The following SLCO5A1 variants were observed in gnomAD, a reference collection of about 807,000 sequenced individuals.
SLCO5A1 encodes the protein solute carrier organic anion transporter family member 5A1.
A neutral mutation model predicts 65.1 loss-of-function variants in SLCO5A1; 39 were observed. The ratio of observed to expected loss-of-function variants is 0.60; its 90% confidence interval spans 0.46 to 0.78. The LOEUF (loss-of-function observed/expected upper bound fraction) is 0.78, where lower values mean the gene tolerates loss of function less well. Ranked by LOEUF, SLCO5A1 falls within the 30% of genes least tolerant of loss-of-function variation. The pLI, the probability that SLCO5A1 is intolerant of heterozygous loss-of-function variation, is 0.00. For missense variants in SLCO5A1, 1,029 were observed against 1,069.4 expected, an observed-to-expected ratio of 0.96 and a Z score of 0.53; for synonymous variants, 438 against 415.7, an observed-to-expected ratio of 1.05 and a Z score of -0.65.
intron 5 of SLCO5A1, among the ~76,000 whole-genome samples, chr8:69,722,465 A>G (rs1815871211): frequency 6.6e-6 from 1 of 152,210 alleles, no homozygotes; most frequent in Non-Finnish European, 1.5e-5. Flanking sequence ...CTTACACTTA[A>G]TATTATTTAA....
intron 2 of SLCO5A1, among the ~76,000 whole-genome samples, chr8:69,802,739 C>A (rs1373003620): frequency 1.3e-5 from 2 of 152,226 alleles, no homozygotes; most frequent in Non-Finnish European, 2.9e-5. Flanking sequence ...CACTCCTCTG[C>A]CTGGAGGCCT....
At chr8:69,711,126 C>T (rs996106277) in intron 5 of SLCO5A1, among the ~76,000 whole-genome samples, 1 of 152,090 alleles carries the variant, frequency 6.6e-6, no homozygotes, top group Non-Finnish European at 1.5e-5. Flanking sequence ...CCATCCAGGC[C>T]TCCCCGCCTG....
In SLCO5A1 at chr8:69,669,951, C is replaced by T. The variant is rs141053648; in HGVS notation, c.*2918G>A. ...AATGCTAATTTTTTTCCTCTCTGTT[C>T]CTCCTTTCTCTCCATCCCCAACACC... On this transcript the variant is annotated 3_prime_UTR_variant, in exon 10 of 10. Coordinates refer to ENST00000260126, the MANE Select transcript of SLCO5A1 (RefSeq NM_030958.3). 1 of 152,138 alleles carries T rather than the reference C, an allele frequency of 6.6e-6. No individual in the cohort carries two copies. Among genetic ancestry groups the T allele is most frequent in the Non-Finnish European group, 1.5e-5 (1 of 68,036 alleles). The allele number at this position is 152,138 out of a possible 1,614,324, so 9.4% of individuals were successfully genotyped here.
chr8:69,832,059 G>A lies in SLCO5A1; in HGVS notation c.615C>T (p.Ile205=). ...AGGCGAAGAGGGCTGCCCCGAAGGCGATGAGGAGTCCACCCACGGCCAGCC... is the reference window on the plus strand; with the variant it reads ...AGGCGAAGAGGGCTGCCCCGAAGGCAATGAGGAGTCCACCCACGGCCAGCC... ...PLWLAVGGLL[I]AFGAALFALP... The change falls in exon 2 of 10, where the codon ATC becomes ATT. Residue 205 remains isoleucine (I), a synonymous_variant. Transcript: ENST00000260126. The surrounding 1 kb of genome is among the most constrained non-coding windows in gnomAD (Gnocchi z 4.5). 6.2e-7 allele frequency: 1 copy of A among 1,613,200 alleles called. No individual in the cohort carries two copies. The highest frequency in any genetic ancestry group is 8.5e-7 in the Non-Finnish European group (1 of 1,179,850).
intron 6 of SLCO5A1, 54 bp downstream of exon 6, chr8:69,704,977 A>C (rs1814904169): frequency 6.5e-7 from 1 of 1,537,002 alleles, no homozygotes; most frequent in East Asian, 2.2e-5. Context: ...CAAACACCAC[A>C]GGGCTTTGCA....
At chr8:69,781,884 C>T (rs1362332222) in intron 2 of SLCO5A1, among the ~76,000 whole-genome samples, 2 of 152,030 alleles carry the variant, frequency 1.3e-5, no homozygotes, top group Non-Finnish European at 2.9e-5. Context: ...CTTGGACTCC[C>T]GACCTCAGGC....
chr8:69,811,124 C>T (rs1374723633), intron 2 of SLCO5A1, among the ~76,000 whole-genome samples: 1 of 152,176 alleles, frequency 6.6e-6, no homozygotes, highest in Non-Finnish European at 1.5e-5. Flanking sequence ...ACTCCAGGAA[C>T]CACAAAGGGC....
rs386473232 is a variant in SLCO5A1, at chr8:69,677,218, C to T, written c.2025-545G>A. 1.5e-3 allele frequency among the ~76,000 whole-genome samples: 222 copies of T among 152,288 alleles called. 1 individual carries two copies. The highest frequency in any genetic ancestry group is 2.1e-3 in the Non-Finnish European group (145 of 68,022). The stretch of plus-strand genomic sequence containing the variant: ...ATCAGAGGAAGCATAAGCCCTCCAA[C>T]CACATCTTTTTTTCTTTTTTAAAAA... On this transcript the variant is annotated intron_variant, in intron 8 of 9. Coordinates refer to ENST00000260126, the MANE Select transcript of SLCO5A1 (RefSeq NM_030958.3).
intron 2 of SLCO5A1, among the ~76,000 whole-genome samples, chr8:69,782,538 C>T (rs1818839858): frequency 6.7e-6 from 1 of 149,282 alleles, no homozygotes; most frequent in Non-Finnish European, 1.5e-5. Flanking sequence ...CATGTTCTTG[C>T]CACTGCACTC....
intron 6 of SLCO5A1, among the ~76,000 whole-genome samples, chr8:69,703,034 C>T (rs1814813283): frequency 6.7e-6 from 1 of 150,062 alleles, no homozygotes; most frequent in Admixed American, 6.7e-5. Context: ...TCCCTGGAAC[C>T]TGGGAGGTTG....
chr8:69,794,401 C>T (rs1386920738), intron 2 of SLCO5A1: 3 of 442,628 alleles, frequency 6.8e-6, no homozygotes, highest in Admixed American at 5.2e-5. Flanking sequence ...AATTTAGACA[C>T]CATCAGGGTC....
chr8:69,705,040 T>A lies in SLCO5A1; in HGVS notation c.1613A>T (p.Tyr538Phe). The change falls in exon 6 of 10, where the codon TAT (tyrosine) becomes TTT (phenylalanine). Residue 538 changes from tyrosine (Y) to phenylalanine (F), a missense_variant. Physicochemically the swap from Tyr to Phe is conservative, Grantham distance 22. Coordinates refer to ENST00000260126, the MANE Select transcript of SLCO5A1 (RefSeq NM_030958.3). ...SINLGGINIP[Y>F]TTGPSLTMPH... ...CTTAAGAGGTACTTACCCTGTTGTA[T>A]AAGGGATGTTTATGCCCCCTAGATT... 6.2e-7 allele frequency: 1 copy of A among 1,611,848 alleles called. No homozygotes were observed. Among genetic ancestry groups the A allele is most frequent in the Non-Finnish European group, 8.5e-7 (1 of 1,179,932 alleles).
chr8:69,794,466 T>A, intron 2 of SLCO5A1: 1 of 432,350 alleles, frequency 2.3e-6, no homozygotes, highest in South Asian at 1.9e-5. Context: ...TGGAAGAGTA[T>A]TGAACCAATT....
rs553553656 is a variant in SLCO5A1 at position 69,721,577 on chromosome 8, A to G, written c.1424-16348T>C. Among the ~76,000 whole-genome samples, 3 of 152,314 alleles carry G rather than the reference A, an allele frequency of 2.0e-5. No individual in the cohort carries two copies. In the South Asian group the frequency reaches 6.2e-4, roughly 32 times the overall value. ...TAGTGCTCCCATAAACATACACTTAAATTACAAATGTTTGTTATTTTCTTT... is the reference window on the plus strand; with the variant it reads ...TAGTGCTCCCATAAACATACACTTAGATTACAAATGTTTGTTATTTTCTTT... On this transcript the variant is annotated intron_variant, in intron 5 of 9. Coordinates refer to ENST00000260126, the MANE Select transcript of SLCO5A1 (RefSeq NM_030958.3).
At chr8:69,772,648 G>GGAAAGGAAAGGAAAGGAAAT (rs1818381271) in intron 2 of SLCO5A1, among the ~76,000 whole-genome samples, 1 of 147,388 alleles carries the variant, frequency 6.8e-6, no homozygotes. Flanking sequence ...GGAAAGGAAA[G>GGAAAGGAAAGGAAAGGAAAT]GAAAGGAAAA....
chr8:69,818,791 T>A (rs527853321), intron 2 of SLCO5A1, among the ~76,000 whole-genome samples: 1 of 152,242 alleles, frequency 6.6e-6, no homozygotes, highest in South Asian at 2.1e-4. Context: ...AGAAGACATA[T>A]CTGTGGCACA....
At chr8:69,692,049 C>G (rs939851991) in intron 6 of SLCO5A1, among the ~76,000 whole-genome samples, 18 of 152,144 alleles carry the variant, frequency 1.2e-4, no homozygotes, top group Non-Finnish European at 2.6e-4. Context: ...GAGATCAAGA[C>G]CATCCTGGCT....
At chr8:69,790,526 G>A (rs1819221423) in intron 2 of SLCO5A1, among the ~76,000 whole-genome samples, 1 of 152,088 alleles carries the variant, frequency 6.6e-6, no homozygotes. Context: ...TGTAGTCCCA[G>A]CTACTTGGGA....
chr8:69,701,971 G>A (rs1814758238), intron 6 of SLCO5A1, among the ~76,000 whole-genome samples: 1 of 152,134 alleles, frequency 6.6e-6, no homozygotes, highest in African/African-American at 2.4e-5. Context: ...GCCAAGCTAG[G>A]AAGTCACAAA....
Sources: allele counts gnomAD v4.1 joint callset (sites outside exome capture counted in the v4.1 genomes callset), GRCh38; gene constraint gnomAD v4.1.1; non-coding constraint Gnocchi (gnomAD v3.1); transcripts MANE v1.5; gene names NCBI Gene and HGNC (gene_info 2026-07-23, HGNC 2026-07-21).